Variants in CYB5B observed in about 807,000 individuals in gnomAD.
CYB5B encodes the protein cytochrome b5 type B (outer mitochondrial membrane).
CYB5B carries 14 observed loss-of-function variants against 21.3 expected under a neutral mutation model. That is an observed-to-expected ratio of 0.66 (90% CI 0.43 to 1.03). The LOEUF is 1.03. CYB5B is among the 50% of genes least tolerant of loss of function. The pLI, the probability that CYB5B is intolerant of heterozygous loss-of-function variation, is 0.00. For missense variants in CYB5B, 166 were observed against 185.1 expected, an observed-to-expected ratio of 0.90 and a Z score of 0.60; for synonymous variants, 69 against 68.4, an observed-to-expected ratio of 1.01 and a Z score of -0.04.
chr16:69,440,597 G>T (rs1322251965), intron 1 of CYB5B, among the ~76,000 whole-genome samples: 1 of 152,154 alleles, frequency 6.6e-6, no homozygotes, highest in East Asian at 1.9e-4. Flanking sequence ...CATGTGTTGT[G>T]TATGTGGCAG....
In CYB5B at chr16:69,447,253, A is replaced by C; in HGVS notation, c.278A>C (p.Gln93Pro). ...TCTGATGCCAGAGAAATGCTAAAGC[A>C]GTACTACATTGGTGATATCCATCCG... Reference protein sequence around the residue: ...HSSDAREMLKQYYIGDIHPSD... With the variant: ...HSSDAREMLKPYYIGDIHPSD... Residue 93 changes from glutamine (Q) to proline (P), a missense_variant, in exon 2 of 5, where the codon CAG becomes CCG. By Grantham distance (76) the Gln-to-Pro change is moderately conservative (BLOSUM62 -1). Transcript: ENST00000307892. The C allele has an allele frequency of 6.2e-7, 1 of 1,614,068 alleles. No homozygotes were observed. The highest frequency in any genetic ancestry group is 1.3e-5 in the African/African-American group (1 of 75,066).
At chr16:69,431,388 A>C (rs2014703839) in intron 1 of CYB5B, among the ~76,000 whole-genome samples, 1 of 152,230 alleles carries the variant, frequency 6.6e-6, no homozygotes, top group Non-Finnish European at 1.5e-5. Context: ...ATATTTGTTA[A>C]GTTCTATATA....
chr16:69,438,850 G>C (rs1041252517), intron 1 of CYB5B, among the ~76,000 whole-genome samples: 16 of 152,132 alleles, frequency 1.1e-4, no homozygotes, highest in Admixed American at 4.6e-4. Context: ...ATATATTCTG[G>C]ATATTAATTC....
intron 3 of CYB5B, among the ~76,000 whole-genome samples, chr16:69,456,365 G>C (rs80353864): frequency 0.012 from 1,866 of 152,258 alleles, 42 homozygotes; most frequent in African/African-American, 0.043. Context: ...TGAGGAACCA[G>C]TTTTATTTAA....
At chr16:69,453,142 GT>G (rs1228694992) in intron 3 of CYB5B, among the ~76,000 whole-genome samples, 12 of 151,990 alleles carry the variant, frequency 7.9e-5, no homozygotes, top group Admixed American at 7.9e-4. Flanking sequence ...GGCTTAACGT[GT>G]TTTTTTAACT....
chr16:69,455,465 C>T (rs576135889), intron 3 of CYB5B, among the ~76,000 whole-genome samples: 13 of 145,970 alleles, frequency 8.9e-5, no homozygotes, highest in Non-Finnish European at 1.5e-4. Context: ...TGGAGTGCAA[C>T]GGTGTGATCT....
intron 1 of CYB5B, among the ~76,000 whole-genome samples, chr16:69,425,271 T>C (rs1324665456): frequency 1.3e-5 from 2 of 152,154 alleles, no homozygotes; most frequent in Non-Finnish European, 2.9e-5. Context: ...CCTTCTGAAG[T>C]AATACCGGTT....
chr16:69,458,339 A>C (rs1246164827), intron 3 of CYB5B, among the ~76,000 whole-genome samples: 1 of 152,084 alleles, frequency 6.6e-6, no homozygotes, highest in Admixed American at 6.5e-5. Context: ...AACCACTACT[A>C]ATCTACTTCT....
rs1414567794 is a variant in CYB5B, at chr16:69,466,116, C to T, written c.*3596C>T. 1.3e-5 allele frequency: 2 copies of T among 152,468 alleles called. No homozygotes were observed. Among genetic ancestry groups the T allele is most frequent in the Non-Finnish European group, 2.9e-5 (2 of 68,014 alleles). The allele number at this position is 152,468 out of a possible 1,614,324, so 9.4% of individuals were successfully genotyped here. On this transcript the variant is annotated 3_prime_UTR_variant, in exon 5 of 5. Coordinates refer to ENST00000307892, the MANE Select transcript of CYB5B (RefSeq NM_030579.3). ...TTCACCTTTGACTATGAACAAGTAA[C>T]GGTAACATTCCTTTTGTGTATTCAA...
chr16:69,430,133 T>C (rs1486633636), intron 1 of CYB5B, among the ~76,000 whole-genome samples: 1 of 152,216 alleles, frequency 6.6e-6, no homozygotes, highest in Non-Finnish European at 1.5e-5. Flanking sequence ...TGTAATATCT[T>C]ATGACATTGA....
intron 4 of CYB5B, among the ~76,000 whole-genome samples, chr16:69,462,166 T>G (rs948290848): frequency 6.6e-6 from 1 of 152,228 alleles, no homozygotes; most frequent in African/African-American, 2.4e-5. Flanking sequence ...ACTATATGAC[T>G]TTGTAGAAAC....
At chr16:69,448,069 ATTTGGC>A in intron 2 of CYB5B, 40 bp from the exon 3 acceptor site, 2 of 1,592,434 alleles carry the variant, frequency 1.3e-6, no homozygotes, top group South Asian at 2.3e-5. Context: ...GTGAGAATTC[ATTTGGC>A]TATGTCTTAA....
chr16:69,458,070 T>C (rs1415443855), intron 3 of CYB5B, among the ~76,000 whole-genome samples: 1 of 152,242 alleles, frequency 6.6e-6, no homozygotes, highest in Non-Finnish European at 1.5e-5. Context: ...TTTTGTACTA[T>C]ACAGCTGGTT....
chr16:69,454,657 A>G (rs2142825507), intron 3 of CYB5B, among the ~76,000 whole-genome samples: 2 of 152,368 alleles, frequency 1.3e-5, no homozygotes, highest in South Asian at 4.1e-4. Context: ...TTCCAAATTC[A>G]AAGCTACACA....
At chr16:69,440,401 T>TG (rs1402486627) in intron 1 of CYB5B, among the ~76,000 whole-genome samples, 1 of 152,224 alleles carries the variant, frequency 6.6e-6, no homozygotes, top group East Asian at 1.9e-4. Context: ...AGCCATAAGA[T>TG]GTCACTGTAG....
At chr16:69,452,143 G>C (rs1036274939) in intron 3 of CYB5B, among the ~76,000 whole-genome samples, 1 of 151,172 alleles carries the variant, frequency 6.6e-6, no homozygotes, top group African/African-American at 2.4e-5. Flanking sequence ...GGCCGGGCGC[G>C]GTGGCTCAAG....
intron 1 of CYB5B, among the ~76,000 whole-genome samples, chr16:69,439,725 C>G (rs1044470035): frequency 5.3e-5 from 8 of 151,936 alleles, no homozygotes; most frequent in Non-Finnish European, 1.2e-4. Flanking sequence ...GGCCACCACA[C>G]CCAGCTAATT....
intron 3 of CYB5B, among the ~76,000 whole-genome samples, chr16:69,453,439 C>T (rs2014955009): frequency 6.6e-6 from 1 of 152,150 alleles, no homozygotes; most frequent in East Asian, 1.9e-4. Flanking sequence ...ACCATACCTA[C>T]TACCTAATTT....
intron 1 of CYB5B, among the ~76,000 whole-genome samples, chr16:69,428,681 C>A (rs2014674074): frequency 1.3e-5 from 2 of 151,562 alleles, no homozygotes; most frequent in Non-Finnish European, 2.9e-5. Context: ...AAAAATAATA[C>A]AGGGAAGAGG....
Sources: allele counts gnomAD v4.1 joint callset (sites outside exome capture counted in the v4.1 genomes callset), GRCh38; gene constraint gnomAD v4.1.1; transcripts MANE v1.5; gene names NCBI Gene and HGNC (gene_info 2026-07-23, HGNC 2026-07-21).